Variants in PTPRE observed in about 807,000 individuals in gnomAD.
PTPRE encodes the protein protein tyrosine phosphatase receptor type E, also known as receptor-type tyrosine-protein phosphatase epsilon.
Under a neutral mutation model 102.0 loss-of-function variants are expected in PTPRE, and 51 were observed. The ratio of observed to expected loss-of-function variants is 0.50; its 90% CI spans 0.40 to 0.63. The LOEUF is 0.63. PTPRE is among the 30% of genes least tolerant of loss of function. PTPRE has a pLI of 0.00. For missense variants in PTPRE, 752 were observed against 915.1 expected, an observed-to-expected ratio of 0.82 and a Z score of 2.30; for synonymous variants, 345 against 348.2, an observed-to-expected ratio of 0.99 and a Z score of 0.10.
chr10:127,960,741 C>T (rs1325854401), intron 1 of PTPRE, among the ~76,000 whole-genome samples: 1 of 152,142 alleles, frequency 6.6e-6, no homozygotes, highest in Admixed American at 6.5e-5. Context: ...AATACAGAAA[C>T]AGCCGGGCGC....
chr10:128,067,244 A>AGATG (rs1850274474), intron 11 of PTPRE, among the ~76,000 whole-genome samples: 3 of 150,778 alleles, frequency 2.0e-5, no homozygotes, highest in Admixed American at 6.6e-5. Flanking sequence ...ACACACGCAC[A>AGATG]CACATTCATG....
chr10:127,910,075 A>G (rs1589708212), intron 1 of PTPRE, among the ~76,000 whole-genome samples: 1 of 152,116 alleles, frequency 6.6e-6, no homozygotes, highest in Non-Finnish European at 1.5e-5. Flanking sequence ...CATTTGAGTC[A>G]CCCTCACAGA....
At chr10:128,018,411 G>GCAGAT (rs1845607663) in intron 2 of PTPRE, among the ~76,000 whole-genome samples, 1 of 152,164 alleles carries the variant, frequency 6.6e-6, no homozygotes, top group Non-Finnish European at 1.5e-5. Context: ...CCATCATCTC[G>GCAGAT]CAGATCTGTG....
intron 1 of PTPRE, among the ~76,000 whole-genome samples, chr10:127,972,675 C>T (rs754431207): frequency 5.9e-5 from 9 of 152,172 alleles, no homozygotes; most frequent in Admixed American, 1.3e-4. Flanking sequence ...GTGTAGTGGC[C>T]ATTGAAGCAC....
intron 1 of PTPRE, among the ~76,000 whole-genome samples, chr10:127,941,929 C>A (rs950650210): frequency 8.5e-5 from 13 of 152,132 alleles, no homozygotes; most frequent in Admixed American, 1.3e-4. Flanking sequence ...GTTGGGCAAC[C>A]CTTGATCTCA....
chr10:128,080,509 C>T (rs968762444), intron 20 of PTPRE, among the ~76,000 whole-genome samples: 1 of 152,222 alleles, frequency 6.6e-6, no homozygotes, highest in Non-Finnish European at 1.5e-5. Flanking sequence ...CACCCAACGA[C>T]CTACAGCAAA....
At chr10:128,000,005 C>G in intron 2 of PTPRE, 1 of 971,340 alleles carries the variant, frequency 1.0e-6, no homozygotes, top group Non-Finnish European at 1.2e-6. Flanking sequence ...AAAGGGATCC[C>G]CAGAATGTTC....
At chr10:127,910,287 C>G (rs1845778796) in intron 1 of PTPRE, among the ~76,000 whole-genome samples, 1 of 152,202 alleles carries the variant, frequency 6.6e-6, no homozygotes, top group Non-Finnish European at 1.5e-5. Context: ...GCTCCCTGCT[C>G]TCAGCCTCCT....
At chr10:127,925,908 G>C (rs1384557794) in intron 1 of PTPRE, among the ~76,000 whole-genome samples, 1 of 152,316 alleles carries the variant, frequency 6.6e-6, no homozygotes, top group East Asian at 1.9e-4. Flanking sequence ...TCTATACTGA[G>C]CTCAAGTGTC....
At chr10:128,031,112 T>A (rs187678227) in intron 2 of PTPRE, among the ~76,000 whole-genome samples, 1 of 152,374 alleles carries the variant, frequency 6.6e-6, no homozygotes, top group African/African-American at 2.4e-5. Flanking sequence ...GCTGAATGAA[T>A]GCATGGATGA....
chr10:128,036,158 C>G (rs10764738), intron 2 of PTPRE, among the ~76,000 whole-genome samples: 3 of 151,818 alleles, frequency 2.0e-5, no homozygotes, highest in Non-Finnish European at 4.4e-5. Flanking sequence ...TGCCCTCCCC[C>G]GAGCCCAGCC....
intron 1 of PTPRE, chr10:127,965,014 G>C (rs573532563): frequency 2.2e-6 from 1 of 456,358 alleles, no homozygotes; most frequent in Non-Finnish European, 4.4e-6. Context: ...AAGGCATTTC[G>C]GTTTTAAGCA....
At chr10:128,067,372 G>C (rs188422647) in intron 11 of PTPRE, among the ~76,000 whole-genome samples, 1 of 111,062 alleles carries the variant, frequency 9.0e-6, no homozygotes, top group Non-Finnish European at 1.8e-5. Flanking sequence ...GTGCACACAT[G>C]CACACATTCA....
chr10:128,077,514 C>G, intron 18 of PTPRE, 103 bp from the exon 19 acceptor site: 1 of 1,423,008 alleles, frequency 7.0e-7, no homozygotes, highest in South Asian at 1.4e-5. Flanking sequence ...ACAGAAGGCT[C>G]AGGGAGGGCT....
chr10:127,939,914 A>G lies in PTPRE; in HGVS notation c.-31+32605A>G, dbSNP rs1340612678. ...GGTGAGGGCAGATGCAGGCAGATGT[A>G]GGCAGGTGGAGGCAGGAGGAGACAG... On this transcript the variant is annotated intron_variant, in intron 1 of 20. Coordinates refer to ENST00000254667, the MANE Select transcript of PTPRE (RefSeq NM_006504.6). Among the ~76,000 whole-genome samples, 104 of 118,522 alleles carry G rather than the reference A, an allele frequency of 8.8e-4. 1 individual carries two copies. The highest frequency in any genetic ancestry group is 5.3e-3 in the Middle Eastern group (1 of 188). The allele number at this position is 118,522 out of a possible 152,430, so 77.8% of individuals were successfully genotyped here.
intron 1 of PTPRE, among the ~76,000 whole-genome samples, chr10:127,967,129 G>A (rs1850316547): frequency 1.3e-5 from 2 of 152,172 alleles, no homozygotes; most frequent in Non-Finnish European, 2.9e-5. Flanking sequence ...ACTGCTAAGG[G>A]CAGATGACAT....
rs1554896085 is a variant in PTPRE, at chr10:127,944,500, A to ATGGATGGATGGATGGATGAG, written c.-31+37206_-31+37207insATGAGTGGATGGATGGATGG. On this transcript the variant is annotated intron_variant, in intron 1 of 20. Transcript: ENST00000254667. This position sits in a 1 kb window ranked among gnomAD's most constrained non-coding sequence, Gnocchi z 4.2. ...GATGGATGGATGGATGGATGGATGG[A>ATGGATGGATGGATGGATGAG]TGGATGGATGGATGGGTGGATGGAT... is the stretch of plus-strand genomic sequence containing the variant. 1.4e-5 allele frequency among the ~76,000 whole-genome samples: 2 copies of ATGGATGGATGGATGGATGAG among 146,022 alleles called. No homozygotes were observed. The highest frequency in any genetic ancestry group is 2.6e-5 in the African/African-American group (1 of 38,856).
At chr10:127,996,584 A>G (rs61233541) in intron 2 of PTPRE, among the ~76,000 whole-genome samples, 1 of 152,306 alleles carries the variant, frequency 6.6e-6, no homozygotes, top group East Asian at 1.9e-4. Context: ...AACCCATGCC[A>G]GCCCCTTCCC....
chr10:128,081,417 A>T (rs926353923), intron 20 of PTPRE, among the ~76,000 whole-genome samples: 1 of 152,174 alleles, frequency 6.6e-6, no homozygotes, highest in Non-Finnish European at 1.5e-5. Flanking sequence ...TCATCCGAGC[A>T]CACTCCAAAG....
Sources: gnomAD v4.1 joint callset for allele counts (sites outside exome capture counted in the v4.1 genomes callset) on GRCh38, gnomAD v4.1.1 for gene constraint, Gnocchi (gnomAD v3.1) non-coding constraint, MANE v1.5 for transcripts, NCBI Gene and HGNC (gene_info 2026-07-23, HGNC 2026-07-21) for gene names.